KCTD10: variants seen among roughly 807,000 people sequenced by gnomAD.
KCTD10 encodes the protein BTB/POZ domain-containing adapter for CUL3-mediated RhoA degradation protein 3.
A neutral mutation model predicts 34.6 loss-of-function variants in KCTD10; 13 were observed. That is an observed-to-expected ratio of 0.38 (90% CI 0.24 to 0.60). The LOEUF (loss-of-function observed/expected upper bound fraction) is 0.60, where lower values mean the gene tolerates loss of function less well. KCTD10 is among the 20% of genes least tolerant of loss of function. KCTD10 has a pLI of 0.66. For missense variants in KCTD10, 256 were observed against 420.3 expected (o/e 0.61, Z 3.42); for synonymous variants, 156 against 168.8 (o/e 0.92, Z 0.59).
At chr12:109,469,997 C>T (rs888850067) in intron 1 of KCTD10, 2 of 1,215,040 alleles carry the variant, frequency 1.6e-6, no homozygotes, top group South Asian at 4.0e-5. Context: ...CATGCATCCC[C>T]TAGTTTGTCC....
Position 109,450,210 on chromosome 12 carries a change from ACTACT to A in KCTD10, c.*1380_*1384del, listed in dbSNP as rs1237959782. 2.5e-6 allele frequency: 1 copy of A among 398,532 alleles called. No homozygotes were observed. The highest frequency in any genetic ancestry group is 2.1e-5 in the African/African-American group (1 of 48,628). 24.7% of individuals were successfully genotyped at this position (398,532 alleles called of 1,614,324 possible). A position where few individuals can be genotyped will look rare whatever the true frequency, so the allele number is the denominator to read the frequency against. On this transcript the variant is annotated 3_prime_UTR_variant, in exon 7 of 7. Coordinates refer to ENST00000228495, the MANE Select transcript of KCTD10 (RefSeq NM_031954.5). ...TGACGCACATTCACATCTCCTGGTA[ACTACT>A]CTACCTAGTCTAGTCTCAACCACCC...
intron 5 of KCTD10, chr12:109,456,739 T>C: frequency 5.3e-6 from 1 of 188,684 alleles, no homozygotes; most frequent in South Asian, 1.0e-4. Flanking sequence ...AAATCCTCCC[T>C]GCATCCCTCA....
rs1333165809 is a variant in KCTD10 at position 109,460,880 on chromosome 12, C to T, written c.218-75G>A. On this transcript the variant is annotated intron_variant, in intron 2 of 6. Transcript: ENST00000228495. The surrounding 1 kb of genome is among the most constrained non-coding windows in gnomAD (Gnocchi z 4.5). ...GAGGCCCTGAGCAGAGCTGGGGTGT[C>T]TCTCGGCTCCCTCTACCTCCCAGCG... is the stretch of plus-strand genomic sequence containing the variant. 4 of 1,433,390 alleles carry T rather than the reference C, an allele frequency of 2.8e-6. No homozygotes were observed. In the African/African-American group the frequency reaches 4.4e-5, roughly 16 times the overall value. 88.8% of individuals were successfully genotyped at this position (1,433,390 alleles called of 1,614,324 possible).
intron 6 of KCTD10, among the ~76,000 whole-genome samples, chr12:109,452,941 A>C (rs1872851459): frequency 6.6e-6 from 1 of 151,856 alleles, no homozygotes. Context: ...GGATTTAGAG[A>C]CCACATGGTC....
At chr12:109,463,371 C>T (rs546842558) in intron 2 of KCTD10, among the ~76,000 whole-genome samples, 2 of 152,348 alleles carry the variant, frequency 1.3e-5, no homozygotes, top group South Asian at 2.1e-4. Flanking sequence ...GAGCCAGGCA[C>T]ACTCTCCAGG....
At chr12:109,452,275 G>C (rs4766601) in intron 6 of KCTD10, among the ~76,000 whole-genome samples, 31,646 of 152,238 alleles carry the variant, frequency 0.21, 3,440 homozygotes, top group Middle Eastern at 0.28. Flanking sequence ...ATTTAGGTCA[G>C]TGCTAATATG....
rs66539960 is a variant in KCTD10 at position 109,460,270 on chromosome 12, T to C, written c.387+366A>G. The stretch of plus-strand genomic sequence containing the variant: ...CTAGCTAAGGAGTGAGGGGTGTCTG[T>C]CTGTAGAGATTATGCTGAGCTCCCA... On this transcript the variant is annotated intron_variant, in intron 3 of 6. Transcript: ENST00000228495. The surrounding 1 kb of genome is among the most constrained non-coding windows in gnomAD (Gnocchi z 4.5). 0.055 allele frequency: 10,435 copies of C among 189,630 alleles called. 395 individuals carry two copies. Among genetic ancestry groups the C allele is most frequent in the Middle Eastern group, 0.086 (41 of 478 alleles). 11.7% of individuals were successfully genotyped at this position (189,630 alleles called of 1,614,324 possible).
At chr12:109,463,926 C>T (rs1263524995) in intron 2 of KCTD10, among the ~76,000 whole-genome samples, 5 of 152,202 alleles carry the variant, frequency 3.3e-5, no homozygotes, top group South Asian at 2.1e-4. Context: ...AGAGCAGCAG[C>T]GTCCAGAGGC....
intron 2 of KCTD10, among the ~76,000 whole-genome samples, chr12:109,465,175 A>T (rs938989312): frequency 5.4e-5 from 8 of 146,896 alleles, no homozygotes; most frequent in Non-Finnish European, 1.2e-4. Context: ...CCTCTACATG[A>T]TCATCAACAG....
chr12:109,455,278 G>A (rs1390815858), intron 6 of KCTD10, among the ~76,000 whole-genome samples: 4 of 152,132 alleles, frequency 2.6e-5, no homozygotes, highest in Non-Finnish European at 4.4e-5. Flanking sequence ...GGGAGGAGGA[G>A]TAGATACAGA....
chr12:109,454,564 AC>A (rs1009023759), intron 6 of KCTD10, among the ~76,000 whole-genome samples: 1 of 152,138 alleles, frequency 6.6e-6, no homozygotes, highest in African/African-American at 2.4e-5. Flanking sequence ...GCCAGTCCCT[AC>A]AAAAATAAAT....
At chr12:109,454,458 G>A (rs1872923845) in intron 6 of KCTD10, among the ~76,000 whole-genome samples, 1 of 152,216 alleles carries the variant, frequency 6.6e-6, no homozygotes, top group Non-Finnish European at 1.5e-5. Context: ...GCTGGGTGCA[G>A]TGGCTCATGC....
rs753606280 is a variant in KCTD10 at position 109,460,851 on chromosome 12, G to A, written c.218-46C>T. The A allele has an allele frequency of 6.3e-6, 10 of 1,590,084 alleles. No homozygotes were observed. Among genetic ancestry groups the A allele is most frequent in the Non-Finnish European group, 7.7e-6 (9 of 1,161,448 alleles). On this transcript the variant is annotated intron_variant, in intron 2 of 6. Transcript: ENST00000228495. This position sits in a 1 kb window ranked among gnomAD's most constrained non-coding sequence, Gnocchi z 4.5. Reference sequence around the variant, plus strand: ...GGCTGGTTACATGGGCCCTCCTCTTGTGGGAGGCCCTGAGCAGAGCTGGGG... The same window carrying A: ...GGCTGGTTACATGGGCCCTCCTCTTATGGGAGGCCCTGAGCAGAGCTGGGG...
Position 109,456,267 on chromosome 12 carries a change from G to A in KCTD10, c.574C>T (p.Leu192=). Residue 192 remains leucine, a synonymous_variant, in exon 6 of 7, where the codon CTG becomes TTG. Coordinates refer to ENST00000228495, the MANE Select transcript of KCTD10 (RefSeq NM_031954.5). ...ACCCTTCCGTTAAAGCGCAGAGACA[G>A]CTTATCAAACAGTTCAATGTTTTTC... The part of the protein sequence containing the change: ...MLKNIELFDK[L]SLRFNGRVLF... The A allele has an allele frequency of 1.2e-6, 2 of 1,614,186 alleles. No individual in the cohort carries two copies. The highest frequency in any genetic ancestry group is 1.7e-6 in the Non-Finnish European group (2 of 1,180,042).
In KCTD10 at chr12:109,460,396, T is replaced by C. The variant is rs113868756; in HGVS notation, c.387+240A>G. 15 of 524,460 alleles carry C rather than the reference T, an allele frequency of 2.9e-5. No individual in the cohort carries two copies. Among genetic ancestry groups the C allele is most frequent in the Non-Finnish European group, 3.4e-5 (10 of 291,316 alleles). 32.5% of individuals were successfully genotyped at this position (524,460 alleles called of 1,614,324 possible). On this transcript the variant is annotated intron_variant, in intron 3 of 6. Coordinates refer to ENST00000228495, the MANE Select transcript of KCTD10 (RefSeq NM_031954.5). This position sits in a 1 kb window ranked among gnomAD's most constrained non-coding sequence, Gnocchi z 4.5. ...CTGCTGAAGGGTTGAGATGTACACA[T>C]GAGAAGATCCAACAGCATGGGGCTG...
At position 109,477,257 on chromosome 12, in the gene KCTD10, T is replaced by C; in HGVS notation, c.3+3A>G. 2.5e-6 allele frequency: 4 copies of C among 1,613,844 alleles called. No individual in the cohort carries two copies. The highest frequency in any genetic ancestry group is 3.4e-6 in the Non-Finnish European group (4 of 1,179,904). Reference sequence around the variant, plus strand: ...CCTAGTCCATGGGCACCGCCCTCCCTACCATGAAAAGTCGGAGGACGCAGG... The same window carrying C: ...CCTAGTCCATGGGCACCGCCCTCCCCACCATGAAAAGTCGGAGGACGCAGG... On this transcript the variant is annotated splice_donor_region_variant and intron_variant, in intron 1 of 6. Coordinates refer to ENST00000228495, the MANE Select transcript of KCTD10 (RefSeq NM_031954.5).
intron 3 of KCTD10, 193 bp from the exon 4 acceptor site, chr12:109,458,271 T>C (rs1420191821): frequency 6.9e-6 from 4 of 579,496 alleles, no homozygotes; most frequent in Non-Finnish European, 1.2e-5. Flanking sequence ...GCTCTTTGGC[T>C]ATGACCATGA....
chr12:109,469,184 G>A, intron 2 of KCTD10: 1 of 302,854 alleles, frequency 3.3e-6, no homozygotes, highest in Middle Eastern at 1.1e-3. Flanking sequence ...CTAATGGGGA[G>A]CTGAGACTGA....
intron 6 of KCTD10, 104 bp downstream of exon 6, chr12:109,456,014 G>A (rs917860744): frequency 1.8e-6 from 2 of 1,107,784 alleles, no homozygotes; most frequent in Admixed American, 4.9e-5. Flanking sequence ...GGCAAGCAAA[G>A]CATTTTAAAA....
Sources: gnomAD v4.1 joint callset for allele counts (sites outside exome capture counted in the v4.1 genomes callset) on GRCh38, gnomAD v4.1.1 for gene constraint, Gnocchi (gnomAD v3.1) non-coding constraint, MANE v1.5 for transcripts, NCBI Gene and HGNC (gene_info 2026-07-23, HGNC 2026-07-21) for gene names.